The following APBB2 variants were observed in gnomAD, a reference collection of about 807,000 sequenced individuals.
The protein encoded by APBB2 is amyloid beta precursor protein binding family B member 2, also known as Fe65-like 1.
APBB2 carries 38 observed loss-of-function variants against 82.5 expected under a neutral mutation model. That is an observed-to-expected ratio of 0.46 (90% CI 0.36 to 0.60). APBB2 has a LOEUF of 0.60. Ranked by LOEUF, APBB2 falls within the 20% of genes least tolerant of loss-of-function variation. The probability of loss-of-function intolerance (pLI) is 0.00; values close to 1 mark genes in which losing one functional copy is unlikely to be tolerated. For synonymous variants in APBB2, 341 were observed against 368.2 expected (o/e 0.93, Z 0.85); for missense variants, 772 against 972.3 (o/e 0.79, Z 2.74).
chr4:41,196,911 C>T, intron 1 of APBB2, among the ~76,000 whole-genome samples: 1 of 152,154 alleles, frequency 6.6e-6, no homozygotes, highest in South Asian at 2.1e-4. Flanking sequence ...CTGAACACAG[C>T]CCAAGTGAGG....
intron 12 of APBB2, among the ~76,000 whole-genome samples, chr4:40,871,199 T>C (rs1008660682): frequency 2.6e-5 from 4 of 152,184 alleles, no homozygotes; most frequent in African/African-American, 9.7e-5. Flanking sequence ...TAGAGGGCAA[T>C]GTTGCAGTCT....
At chr4:41,081,672 G>A (rs890074215) in intron 3 of APBB2, among the ~76,000 whole-genome samples, 12 of 152,126 alleles carry the variant, frequency 7.9e-5, no homozygotes, top group African/African-American at 2.4e-4. Context: ...ACCTTGTCCA[G>A]TGAAGGTTCT....
intron 1 of APBB2, among the ~76,000 whole-genome samples, chr4:41,149,114 G>A (rs1761545056): frequency 6.6e-6 from 1 of 151,836 alleles, no homozygotes; most frequent in African/African-American, 2.4e-5. Context: ...GAGGTTTGAG[G>A]GATTACAATT....
chr4:41,209,495 C>T (rs1184535292), intron 1 of APBB2, among the ~76,000 whole-genome samples: 1 of 152,148 alleles, frequency 6.6e-6, no homozygotes, highest in Non-Finnish European at 1.5e-5. Flanking sequence ...ATTCCAGAGA[C>T]CAAGGGCTGC....
At chr4:41,185,130 G>A (rs1772544159) in intron 1 of APBB2, among the ~76,000 whole-genome samples, 1 of 152,124 alleles carries the variant, frequency 6.6e-6, no homozygotes, top group South Asian at 2.1e-4. Context: ...GGAAATATAT[G>A]GATGGATGAA....
intron 10 of APBB2, among the ~76,000 whole-genome samples, chr4:40,928,570 C>G (rs1456618950): frequency 7.2e-6 from 1 of 138,424 alleles, no homozygotes; most frequent in African/African-American, 2.5e-5. Context: ...AAGAGCGACA[C>G]TCTGTCTCAA....
intron 1 of APBB2, among the ~76,000 whole-genome samples, chr4:41,159,096 G>A (rs1764194309): frequency 6.6e-6 from 1 of 152,210 alleles, no homozygotes; most frequent in Non-Finnish European, 1.5e-5. Context: ...TAAAGATGTA[G>A]GAAGGAGTTC....
intron 4 of APBB2, among the ~76,000 whole-genome samples, chr4:41,050,214 T>A (rs1286893907): frequency 1.3e-5 from 2 of 152,200 alleles, no homozygotes; most frequent in African/African-American, 2.4e-5. Flanking sequence ...GCACTTAGAT[T>A]CTCCCTCCCT....
chr4:40,921,787 G>A (rs572627587), intron 10 of APBB2, among the ~76,000 whole-genome samples: 1 of 152,332 alleles, frequency 6.6e-6, no homozygotes, highest in East Asian at 1.9e-4. Context: ...CATGCTTTCG[G>A]CTCTGGGTTC....
At chr4:41,149,228 A>C (rs1367084120) in intron 1 of APBB2, among the ~76,000 whole-genome samples, 1 of 152,124 alleles carries the variant, frequency 6.6e-6, no homozygotes, top group Non-Finnish European at 1.5e-5. Flanking sequence ...CAGTTTTACC[A>C]CGGGGAATAT....
intron 6 of APBB2, among the ~76,000 whole-genome samples, chr4:40,982,293 G>GAAA (rs1798917086): frequency 3.1e-5 from 1 of 32,350 alleles, no homozygotes; most frequent in Admixed American, 3.0e-4. Context: ...AAGGAAGGAA[G>GAAA]GAAGGAAGGA....
intron 10 of APBB2, among the ~76,000 whole-genome samples, chr4:40,902,458 T>C (rs934470215): frequency 1.3e-5 from 2 of 152,174 alleles, no homozygotes; most frequent in African/African-American, 4.8e-5. Flanking sequence ...GCTGCACAAC[T>C]TCAGGGTGGC....
chr4:41,065,740 T>G (rs1199699974), intron 3 of APBB2, 67 bp from the exon 4 acceptor site: 1 of 151,616 alleles, frequency 6.6e-6, no homozygotes, highest in Non-Finnish European at 1.5e-5. Flanking sequence ...ACAGCTTTTT[T>G]TTTTTTTTTT....
chr4:40,959,110 A>G (rs1241653688), intron 6 of APBB2, among the ~76,000 whole-genome samples: 1 of 152,244 alleles, frequency 6.6e-6, no homozygotes, highest in East Asian at 1.9e-4. Flanking sequence ...ACAGTATTCC[A>G]GAAAGATCTA....
chr4:41,107,494 A>G (rs1179408780), intron 2 of APBB2, among the ~76,000 whole-genome samples: 1 of 152,228 alleles, frequency 6.6e-6, no homozygotes, highest in Admixed American at 6.5e-5. Flanking sequence ...TCACTGATTC[A>G]GTCAACAATC....
chr4:40,983,744 AT>A (rs1376562490), intron 6 of APBB2, among the ~76,000 whole-genome samples: 1 of 152,030 alleles, frequency 6.6e-6, no homozygotes, highest in Non-Finnish European at 1.5e-5. Flanking sequence ...TACCCCGCTA[AT>A]TTTTGTATTT....
intron 2 of APBB2, among the ~76,000 whole-genome samples, chr4:41,132,598 T>C (rs986830125): frequency 1.6e-4 from 25 of 152,216 alleles, no homozygotes; most frequent in African/African-American, 5.5e-4. Flanking sequence ...AAACTAAGCA[T>C]AAAGGTACAC....
chr4:41,174,484 T>C lies in APBB2; in HGVS notation c.-416-31342A>G, dbSNP rs368687981. Among the ~76,000 whole-genome samples the C allele has an allele frequency of 3.3e-4, 51 of 152,240 alleles. No homozygotes were observed. The South Asian group carries it at 0.01, about 30-fold the overall frequency. On this transcript the variant is annotated intron_variant, in intron 1 of 17. Coordinates refer to ENST00000508593, the MANE Select transcript of APBB2 (RefSeq NM_004307.2). ...GAGCACGCTAGCAGCTCATAACTAG[T>C]AGGAGACTCTACCTGAGCACAAGAC...
intron 1 of APBB2, among the ~76,000 whole-genome samples, chr4:41,185,144 G>A (rs563107027): frequency 7.2e-5 from 11 of 152,290 alleles, no homozygotes; most frequent in African/African-American, 2.6e-4. Flanking sequence ...GGATGAAGGA[G>A]AGCAGAAAGA....
Sources: allele counts gnomAD v4.1 joint callset (sites outside exome capture counted in the v4.1 genomes callset), GRCh38; gene constraint gnomAD v4.1.1; transcripts MANE v1.5; gene names NCBI Gene and HGNC (gene_info 2026-07-23, HGNC 2026-07-21).